MAP2K6: variants seen among roughly 807,000 people sequenced by gnomAD.
The protein encoded by MAP2K6 is mitogen-activated protein kinase kinase 6, also known as dual specificity mitogen-activated protein kinase kinase 6.
Under a neutral mutation model 53.7 loss-of-function variants are expected in MAP2K6, and 16 were observed. The ratio of observed to expected loss-of-function variants is 0.30; its 90% confidence interval spans 0.20 to 0.45. The LOEUF (loss-of-function observed/expected upper bound fraction) is 0.45, where lower values mean the gene tolerates loss of function less well. Among genes scored for constraint, MAP2K6 ranks in the 20% least tolerant of loss-of-function variants. The pLI, the probability that MAP2K6 is intolerant of heterozygous loss-of-function variation, is 1.00. For synonymous variants in MAP2K6, 132 were observed against 143.1 expected (o/e 0.92, Z 0.55); for missense variants, 204 against 411.9 (o/e 0.50, Z 4.37).
In MAP2K6 at chr17:69,544,654, CAT is replaced by C. The variant is rs1473512753; in HGVS notation, c.*2902_*2903del. The C allele has an allele frequency of 6.6e-6, 1 of 152,020 alleles. No individual in the cohort carries two copies. The highest frequency in any genetic ancestry group is 1.5e-5 in the Non-Finnish European group (1 of 68,006). The allele number at this position is 152,020 out of a possible 1,614,324, so 9.4% of individuals were successfully genotyped here. Reference sequence around the variant, plus strand: ...TTTGATTTTGTATCATATAATTGTCCATGTTATAATTTTTGAAAATGTTTATT... The same window carrying C: ...TTTGATTTTGTATCATATAATTGTCCGTTATAATTTTTGAAAATGTTTATT... On this transcript the variant is annotated 3_prime_UTR_variant, in exon 12 of 12. Coordinates refer to ENST00000590474, the MANE Select transcript of MAP2K6 (RefSeq NM_002758.4).
intron 1 of MAP2K6, among the ~76,000 whole-genome samples, chr17:69,472,251 C>A (rs191473146): frequency 6.6e-6 from 1 of 151,972 alleles, no homozygotes; most frequent in Non-Finnish European, 1.5e-5. Context: ...GTTACAAGGC[C>A]GCACATGTAC....
intron 1 of MAP2K6, among the ~76,000 whole-genome samples, chr17:69,430,600 C>A (rs1008109076): frequency 3.9e-5 from 6 of 152,106 alleles, no homozygotes; most frequent in African/African-American, 1.4e-4. Context: ...AGAAAAAGAG[C>A]AACAGAAACT....
At chr17:69,535,626 G>A (rs947812885) in intron 10 of MAP2K6, among the ~76,000 whole-genome samples, 1 of 152,110 alleles carries the variant, frequency 6.6e-6, no homozygotes, top group Admixed American at 6.6e-5. Flanking sequence ...GGGGTTTATT[G>A]CTTCTATCTC....
intron 1 of MAP2K6, among the ~76,000 whole-genome samples, chr17:69,474,255 C>A (rs1176365364): frequency 6.6e-6 from 1 of 152,190 alleles, no homozygotes; most frequent in Non-Finnish European, 1.5e-5. Context: ...GAGTCAATGA[C>A]AGAGACCAGA....
chr17:69,540,810 C>T (rs1170576923), intron 11 of MAP2K6, among the ~76,000 whole-genome samples: 4 of 152,204 alleles, frequency 2.6e-5, no homozygotes, highest in African/African-American at 9.7e-5. Flanking sequence ...AACTCTTCAT[C>T]AGGAGAGACA....
chr17:69,449,589 CTTTT>C (rs1289261362), intron 1 of MAP2K6, among the ~76,000 whole-genome samples: 4 of 80,576 alleles, frequency 5.0e-5, no homozygotes, highest in South Asian at 4.6e-4. Flanking sequence ...TTCTTTCTTT[CTTTT>C]TCTTTCTTTC....
intron 1 of MAP2K6, among the ~76,000 whole-genome samples, chr17:69,417,411 T>TA (rs1355209918): frequency 6.6e-6 from 1 of 152,154 alleles, no homozygotes; most frequent in East Asian, 1.9e-4. Context: ...ACCTCTAATT[T>TA]AAGGCACAGC....
chr17:69,520,023 C>T (rs573109392), intron 5 of MAP2K6: 5 of 430,444 alleles, frequency 1.2e-5, no homozygotes, highest in Admixed American at 4.2e-5. Flanking sequence ...AATTAGATTC[C>T]ATTTTTCATT....
rs995511386 is a variant in MAP2K6 at position 69,545,765 on chromosome 17, A to T, written c.*4012A>T. The T allele has an allele frequency of 6.6e-6, 1 of 152,344 alleles. No homozygotes were observed. The highest frequency in any genetic ancestry group is 2.4e-5 in the African/African-American group (1 of 41,460). The allele number at this position is 152,344 out of a possible 1,614,324, so 9.4% of individuals were successfully genotyped here. A position where few individuals can be genotyped will look rare whatever the true frequency, so the allele number is the denominator to read the frequency against. On this transcript the variant is annotated 3_prime_UTR_variant, in exon 12 of 12. Coordinates refer to ENST00000590474, the MANE Select transcript of MAP2K6 (RefSeq NM_002758.4). Reference sequence around the variant, plus strand: ...GCTGAGCATGGTGACTCACGCCTGTAATCCCAGCACTTTGGGAGGCTGAGG... The same window carrying T: ...GCTGAGCATGGTGACTCACGCCTGTTATCCCAGCACTTTGGGAGGCTGAGG...
At chr17:69,485,469 C>A (rs996930364) in intron 1 of MAP2K6, 64 of 983,214 alleles carry the variant, frequency 6.5e-5, no homozygotes, top group Non-Finnish European at 7.5e-5. Context: ...GAAGCTTATA[C>A]ACTGTTAGAG....
chr17:69,483,743 G>A (rs1373348036), intron 1 of MAP2K6, among the ~76,000 whole-genome samples: 1 of 152,050 alleles, frequency 6.6e-6, no homozygotes, highest in Non-Finnish European at 1.5e-5. Flanking sequence ...CTGGATTAAG[G>A]ATAGACACAG....
intron 1 of MAP2K6, among the ~76,000 whole-genome samples, chr17:69,462,086 G>A (rs1366254918): frequency 1.3e-5 from 2 of 152,204 alleles, no homozygotes; most frequent in South Asian, 2.1e-4. Flanking sequence ...GCATGCGAAA[G>A]TATGCTGCAT....
At chr17:69,440,143 G>A (rs937303417) in intron 1 of MAP2K6, among the ~76,000 whole-genome samples, 3 of 152,038 alleles carry the variant, frequency 2.0e-5, no homozygotes, top group African/African-American at 7.2e-5. Context: ...CACCTCCTGG[G>A]TTCAAGTGAT....
chr17:69,441,164 TTTTG>T (rs1439363285), intron 1 of MAP2K6, among the ~76,000 whole-genome samples: 3 of 152,322 alleles, frequency 2.0e-5, no homozygotes, highest in East Asian at 1.9e-4. Context: ...GTGACTGTAT[TTTTG>T]TTTGTTTGTT....
chr17:69,498,180 A>T (rs1406828946), intron 1 of MAP2K6, among the ~76,000 whole-genome samples: 1 of 152,180 alleles, frequency 6.6e-6, no homozygotes, highest in African/African-American at 2.4e-5. Context: ...GCTAGCTTGG[A>T]ATTTAATTCT....
At chr17:69,503,550 A>G (rs1909281323) in intron 1 of MAP2K6, among the ~76,000 whole-genome samples, 1 of 152,186 alleles carries the variant, frequency 6.6e-6, no homozygotes, top group Non-Finnish European at 1.5e-5. Context: ...GGTGGTCCTA[A>G]AAGGCTTTCT....
rs1911776812 is a variant in MAP2K6 at position 69,543,984 on chromosome 17, C to G, written c.*2231C>G. ...CCAGCCACCAGAGATTTGGATTTAA[C>G]TGGTGGGGCCTAGGAATTGGTGTTT... On this transcript the variant is annotated 3_prime_UTR_variant, in exon 12 of 12. Coordinates refer to ENST00000590474, the MANE Select transcript of MAP2K6 (RefSeq NM_002758.4). 6.6e-6 allele frequency: 1 copy of G among 152,196 alleles called. No homozygotes were observed. Among genetic ancestry groups the G allele is most frequent in the Non-Finnish European group, 1.5e-5 (1 of 68,040 alleles). 9.4% of individuals were successfully genotyped at this position (152,196 alleles called of 1,614,324 possible).
intron 10 of MAP2K6, among the ~76,000 whole-genome samples, chr17:69,529,574 G>A (rs568953020): frequency 1.5e-4 from 21 of 139,650 alleles, no homozygotes; most frequent in Non-Finnish European, 2.4e-4. Flanking sequence ...GCAGTGGCAC[G>A]ATCTCAGCTC....
At chr17:69,509,299 AATTCCTCTATATTAG>A (rs1742398929) in intron 2 of MAP2K6, among the ~76,000 whole-genome samples, 1 of 152,200 alleles carries the variant, frequency 6.6e-6, no homozygotes, top group African/African-American at 2.4e-5. Context: ...TTTATAATAC[AATTCCTCTATATTAG>A]ATTTTGTTAA....
Sources: allele counts gnomAD v4.1 joint callset (sites outside exome capture counted in the v4.1 genomes callset), GRCh38; gene constraint gnomAD v4.1.1; transcripts MANE v1.5; gene names NCBI Gene and HGNC (gene_info 2026-07-23, HGNC 2026-07-21).